KIF5B: variants seen among roughly 807,000 people sequenced by gnomAD.
KIF5B encodes kinesin family member 5B, also known as kinesin-1 heavy chain.
In KIF5B, 49 loss-of-function variants were observed where a neutral mutation model predicts 132.8. That is an observed-to-expected ratio of 0.37 (90% CI 0.29 to 0.47). KIF5B has a LOEUF of 0.47. Among genes scored for constraint, KIF5B ranks in the 20% least tolerant of loss-of-function variants. KIF5B has a pLI of 1.00. For synonymous variants in KIF5B, 355 were observed against 369.4 expected (o/e 0.96, Z 0.45); for missense variants, 780 against 1,144.0 (o/e 0.68, Z 4.59).
chr10:32,018,100 G>C lies in KIF5B; in HGVS notation c.2496C>G (p.Ile832Met). 1 of 1,611,784 alleles carries C rather than the reference G, an allele frequency of 6.2e-7. No homozygotes were observed. The highest frequency in any genetic ancestry group is 2.2e-5 in the East Asian group (1 of 44,850). The change falls in exon 23 of 26, where the codon ATC becomes ATG. Residue 832 changes from isoleucine to methionine, a missense_variant. By Grantham distance (10) the Ile-to-Met change is conservative. Transcript: ENST00000302418. The stretch of plus-strand genomic sequence containing the variant: ...GTTCAAGATTATTTTCAAGAAAGGA[G>C]ATTTTTTGCTTCTGAGCAGCGCTGC... The part of the protein sequence containing the change: ...TGGSAAQKQK[I>M]SFLENNLEQL...
At position 32,016,651 on chromosome 10, in the gene KIF5B, C is replaced by T. The variant is rs201528906; in HGVS notation, c.2761+492G>A. Among the ~76,000 whole-genome samples, 28 of 152,130 alleles carry T rather than the reference C, an allele frequency of 1.8e-4. No homozygotes were observed. The East Asian group carries it at 5.3e-3, about 29-fold the overall frequency. ...CCACTTCCCAGGTTCCAGCGATTCT[C>T]CTGCCTCAGCCTCCCAAGTTGCTGG... On this transcript the variant is annotated intron_variant, in intron 24 of 25. Transcript: ENST00000302418.
chr10:32,015,442 C>A, intron 25 of KIF5B, 67 bp downstream of exon 25: 1 of 1,273,446 alleles, frequency 7.9e-7, no homozygotes, highest in Non-Finnish European at 1.1e-6. Context: ...TTTTTTAAAA[C>A]CAAAAAACCT....
At chr10:32,015,772 T>A in intron 24 of KIF5B, 113 bp from the exon 25 acceptor site, 1 of 856,426 alleles carries the variant, frequency 1.2e-6, no homozygotes, top group Non-Finnish European at 1.8e-6. Flanking sequence ...TGTTTTTCTT[T>A]GCCTTTTTGT....
At chr10:32,049,551 A>C (rs1348744523) in intron 1 of KIF5B, among the ~76,000 whole-genome samples, 2 of 152,196 alleles carry the variant, frequency 1.3e-5, no homozygotes, top group Non-Finnish European at 2.9e-5. Context: ...AACCAATGGA[A>C]GTTGTTAAGT....
intron 18 of KIF5B, 44 bp downstream of exon 18, chr10:32,021,182 A>G: frequency 6.2e-7 from 1 of 1,606,034 alleles, no homozygotes; most frequent in Non-Finnish European, 8.5e-7. Flanking sequence ...ATCAAAATTA[A>G]TACTGATTAA....
intron 16 of KIF5B, 116 bp downstream of exon 16, chr10:32,022,732 G>A (rs1016835140): frequency 2.9e-6 from 2 of 692,222 alleles, no homozygotes; most frequent in Non-Finnish European, 4.7e-6. Flanking sequence ...GCTAGACTAG[G>A]AAAAAAACAA....
intron 23 of KIF5B, among the ~76,000 whole-genome samples, 194 bp from the exon 24 acceptor site, chr10:32,017,553 G>A (rs1401224723): frequency 6.6e-6 from 1 of 152,104 alleles, no homozygotes; most frequent in African/African-American, 2.4e-5. Flanking sequence ...TATTCACAAA[G>A]GTATAATTTC....
chr10:32,025,299 C>T (rs1479645769), intron 15 of KIF5B, among the ~76,000 whole-genome samples: 2 of 152,170 alleles, frequency 1.3e-5, no homozygotes, highest in African/African-American at 4.8e-5. Flanking sequence ...ATAGTCATAA[C>T]GTACAACCTA....
intron 15 of KIF5B, among the ~76,000 whole-genome samples, chr10:32,025,315 T>TC (rs1322850492): frequency 6.6e-6 from 1 of 152,180 alleles, no homozygotes; most frequent in African/African-American, 2.4e-5. Flanking sequence ...ACCTAGCACT[T>TC]CTAGGTATTT....
At chr10:32,027,656 A>T (rs941542236) in intron 15 of KIF5B, among the ~76,000 whole-genome samples, 4 of 145,754 alleles carry the variant, frequency 2.7e-5, no homozygotes, top group Non-Finnish European at 6.0e-5. Context: ...ACTGTTGCTC[A>T]GGCTGGAGTG....
chr10:32,052,715 CTAATT>C (rs1841708691), intron 1 of KIF5B, among the ~76,000 whole-genome samples: 1 of 152,084 alleles, frequency 6.6e-6, no homozygotes. Flanking sequence ...AACAAGTTCT[CTAATT>C]TAAAGCAAAT....
chr10:32,013,274 G>A (rs946796939), intron 25 of KIF5B, among the ~76,000 whole-genome samples: 4 of 152,126 alleles, frequency 2.6e-5, no homozygotes, highest in Non-Finnish European at 5.9e-5. Context: ...AAAAACACAG[G>A]AGTTATCTCT....
chr10:32,056,138 TGAA>T lies in KIF5B; in HGVS notation c.-168_-166del. 1.3e-6 allele frequency: 1 copy of T among 743,192 alleles called. No homozygotes were observed. The highest frequency in any genetic ancestry group is 1.9e-5 in the South Asian group (1 of 52,862). 46.0% of individuals were successfully genotyped at this position (743,192 alleles called of 1,614,324 possible). ...TGGAGGCGGCCGGGGAGCCGGGACT[TGAA>T]GAGCCGGCGCCGGCAGCCGTTAACC... On this transcript the variant is annotated 5_prime_UTR_variant, in exon 1 of 26. Transcript: ENST00000302418.
Position 32,055,861 on chromosome 10 carries a change from G to T in KIF5B, c.113C>A (p.Thr38Lys), listed in dbSNP as rs1172883168. 3.1e-6 allele frequency: 5 copies of T among 1,612,610 alleles called. No individual in the cohort carries two copies. The highest frequency in any genetic ancestry group is 4.2e-6 in the Non-Finnish European group (5 of 1,179,802). Residue 38 changes from threonine (T) to lysine (K), a missense_variant, in exon 1 of 26, where the codon ACG becomes AAG. By Grantham distance (78) the Thr-to-Lys change is moderately conservative. Around this residue, in one of 9 missense-constraint regions of KIF5B, gnomAD observed 66 missense variants for 83.4 expected, o/e 0.79. Coordinates refer to ENST00000302418, the MANE Select transcript of KIF5B (RefSeq NM_004521.3). ...KYIAKFQGED[T>K]VVIASKPYAF... ...GGGGTCACTCACCGCGATCACGACC[G>T]TGTCTTCTCCCTGAAACTTGGCGAT...
chr10:32,026,299 G>A (rs192553277), intron 15 of KIF5B, among the ~76,000 whole-genome samples: 6 of 151,864 alleles, frequency 4.0e-5, no homozygotes, highest in African/African-American at 7.2e-5. Flanking sequence ...TTATCCAGGC[G>A]TGGTGGCACA....
At chr10:32,040,246 T>G in intron 3 of KIF5B, 138 bp downstream of exon 3, 1 of 666,448 alleles carries the variant, frequency 1.5e-6, no homozygotes, top group African/African-American at 1.8e-5. Context: ...CCAACAATGA[T>G]GTTACATGTA....
chr10:32,027,244 G>A (rs897139454), intron 15 of KIF5B, among the ~76,000 whole-genome samples: 3 of 152,060 alleles, frequency 2.0e-5, no homozygotes, highest in East Asian at 1.9e-4. Flanking sequence ...AATCAAAAAG[G>A]TAAAGTCTAA....
Position 32,022,244 on chromosome 10 carries a change from A to G in KIF5B, c.1928T>C (p.Ile643Thr). Residue 643 changes from isoleucine to threonine, a missense_variant, in exon 17 of 26, where the codon ATC (isoleucine) becomes ACC (threonine). Ile to Thr is a moderately conservative substitution (Grantham distance 89, BLOSUM62 -1). This residue lies in a region of KIF5B where 471 missense variants were observed against 569.9 expected (regional missense o/e 0.83). Transcript: ENST00000302418. The part of the protein sequence containing the change: ...QLRISQHEAK[I>T]KSLTEYLQNV... The stretch of plus-strand genomic sequence containing the variant: ...TTGAAGGTATTCAGTCAATGACTTG[A>G]TTTTGGCTTCATGCTTTTGGAAAAA... 6.2e-7 allele frequency: 1 copy of G among 1,606,840 alleles called. No homozygotes were observed.
At chr10:32,048,352 T>C (rs747071995) in intron 2 of KIF5B, 112 bp downstream of exon 2, 4 of 665,534 alleles carry the variant, frequency 6.0e-6, no homozygotes, top group Non-Finnish European at 1.0e-5. Flanking sequence ...TCTTCTGCAA[T>C]TAACTTAGAA....
Sources: allele counts gnomAD v4.1 joint callset (sites outside exome capture counted in the v4.1 genomes callset), GRCh38; gene constraint gnomAD v4.1.1; regional missense constraint gnomAD v4.1.1; transcripts MANE v1.5; gene names NCBI Gene and HGNC (gene_info 2026-07-23, HGNC 2026-07-21).